CDH6: variants seen among roughly 807,000 people sequenced by gnomAD.
The protein encoded by CDH6 is cadherin-6.
In CDH6, 31 loss-of-function variants were observed where a neutral mutation model predicts 78.0. That is an observed-to-expected ratio of 0.40 (90% confidence interval 0.30 to 0.54). The LOEUF is 0.54. Ranked by LOEUF, CDH6 falls within the 20% of genes least tolerant of loss-of-function variation. The pLI is 0.56. For synonymous variants in CDH6, 376 were observed against 368.8 expected, an observed-to-expected ratio of 1.02 and a Z score of -0.23; for missense variants, 724 against 975.9, an observed-to-expected ratio of 0.74 and a Z score of 3.44.
At chr5:31,224,994 C>G (rs1741109215) in intron 1 of CDH6, among the ~76,000 whole-genome samples, 1 of 152,192 alleles carries the variant, frequency 6.6e-6, no homozygotes, top group South Asian at 2.1e-4. Flanking sequence ...TTGGCAATAC[C>G]TGGAGGCATC....
intron 2 of CDH6, among the ~76,000 whole-genome samples, chr5:31,280,048 C>T (rs1204053890): frequency 6.6e-6 from 1 of 152,164 alleles, no homozygotes; most frequent in African/African-American, 2.4e-5. Flanking sequence ...TCCTTTTCAA[C>T]AGTAGACATC....
In CDH6 at chr5:31,294,357, A is replaced by G; in HGVS notation, c.523+101A>G. 2.2e-6 allele frequency: 2 copies of G among 892,712 alleles called. No homozygotes were observed. Among genetic ancestry groups the G allele is most frequent in the South Asian group, 1.6e-5 (1 of 62,268 alleles). The allele number at this position is 892,712 out of a possible 1,614,324, so 55.3% of individuals were successfully genotyped here. A position where few individuals can be genotyped will look rare whatever the true frequency, so the allele number is the denominator to read the frequency against. On this transcript the variant is annotated intron_variant, in intron 3 of 11. Transcript: ENST00000265071. The surrounding 1 kb of genome is among the most constrained non-coding windows in gnomAD (Gnocchi z 4.1). ...AAAGTACTGAACTGCATGAATTTAG[A>G]TGCTAACTTCTTCAATCCATGTATG...
At chr5:31,319,101 GTTC>G (rs1738406419) in intron 11 of CDH6, 1 of 181,936 alleles carries the variant, frequency 5.5e-6, no homozygotes, top group African/African-American at 2.4e-5. Flanking sequence ...AGATATGAAT[GTTC>G]TTTTTGATCA....
intron 1 of CDH6, among the ~76,000 whole-genome samples, chr5:31,259,572 C>T (rs1742155325): frequency 6.6e-6 from 1 of 152,178 alleles, no homozygotes; most frequent in African/African-American, 2.4e-5. Flanking sequence ...TGCCAGAGAA[C>T]CTAACATTTA....
chr5:31,229,761 C>T (rs572712204), intron 1 of CDH6, among the ~76,000 whole-genome samples: 29 of 152,156 alleles, frequency 1.9e-4, no homozygotes, highest in Non-Finnish European at 3.2e-4. Context: ...TGTCACAGAA[C>T]ATAGGAAGAA....
chr5:31,215,473 A>G (rs1227891865), intron 1 of CDH6, among the ~76,000 whole-genome samples: 2 of 152,196 alleles, frequency 1.3e-5, no homozygotes, highest in African/African-American at 4.8e-5. Flanking sequence ...TAACCTAATA[A>G]AAAATATAAC....
chr5:31,316,064 C>A, intron 8 of CDH6, 144 bp from the exon 9 acceptor site: 1 of 770,008 alleles, frequency 1.3e-6, no homozygotes, highest in Non-Finnish European at 2.0e-6. Context: ...CTTTTTGTGA[C>A]CACACTGGTA....
Position 31,316,347 on chromosome 5 carries a change from G to A in CDH6, c.1512+18G>A, listed in dbSNP as rs188617650. The A allele has an allele frequency of 6.7e-5, 107 of 1,599,138 alleles. No individual in the cohort carries two copies. In the African/African-American group the frequency reaches 1.3e-3, roughly 19 times the overall value. ...CAGATCAGGTGAGTTTCATTAAAAA[G>A]TATATTCAAGTTGAACATCAGATTA... On this transcript the variant is annotated intron_variant, in intron 9 of 11. Transcript: ENST00000265071.
chr5:31,270,083 A>T (rs559643401), intron 2 of CDH6, among the ~76,000 whole-genome samples: 2 of 152,346 alleles, frequency 1.3e-5, no homozygotes, highest in Admixed American at 6.5e-5. Flanking sequence ...ATACATTTTT[A>T]AAAAAGATAA....
intron 2 of CDH6, among the ~76,000 whole-genome samples, chr5:31,270,005 TATATG>T (rs1742476198): frequency 6.6e-6 from 1 of 152,236 alleles, no homozygotes; most frequent in African/African-American, 2.4e-5. Flanking sequence ...TCTTTGAAGT[TATATG>T]ATATAAACAG....
intron 1 of CDH6, among the ~76,000 whole-genome samples, chr5:31,198,611 T>C (rs977195288): frequency 6.6e-6 from 1 of 152,006 alleles, no homozygotes; most frequent in African/African-American, 2.4e-5. Context: ...TAATAAGTTA[T>C]AGGAAGAGAA....
chr5:31,227,210 G>A (rs1007727673), intron 1 of CDH6, among the ~76,000 whole-genome samples: 7 of 152,132 alleles, frequency 4.6e-5, no homozygotes, highest in Admixed American at 2.0e-4. Context: ...GAGAGACAAG[G>A]AAAGGAACGT....
chr5:31,199,685 G>GTGTATATATATATATATATATATA (rs796740950), intron 1 of CDH6, among the ~76,000 whole-genome samples: 1 of 79,860 alleles, frequency 1.3e-5, no homozygotes, highest in Non-Finnish European at 2.4e-5. Context: ...GTGTGTGTGT[G>GTGTATATATATATATATATATATA]TATATATATA....
intron 1 of CDH6, among the ~76,000 whole-genome samples, chr5:31,198,883 T>C (rs961005328): frequency 6.6e-6 from 1 of 152,092 alleles, no homozygotes; most frequent in Non-Finnish European, 1.5e-5. Flanking sequence ...CTTTAAAAAA[T>C]CACCATCTAA....
At chr5:31,295,103 T>C (rs1461693649) in intron 3 of CDH6, among the ~76,000 whole-genome samples, 1 of 152,294 alleles carries the variant, frequency 6.6e-6, no homozygotes, top group African/African-American at 2.4e-5. Flanking sequence ...AGTTCACAGA[T>C]CCAAGACATA....
At chr5:31,315,907 A>G (rs568752853) in intron 8 of CDH6, among the ~76,000 whole-genome samples, 1 of 152,192 alleles carries the variant, frequency 6.6e-6, no homozygotes, top group Non-Finnish European at 1.5e-5. Flanking sequence ...TGCTTCCTTG[A>G]AAATCTACCT....
chr5:31,229,588 A>T (rs1451652756), intron 1 of CDH6, among the ~76,000 whole-genome samples: 1 of 152,162 alleles, frequency 6.6e-6, no homozygotes, highest in East Asian at 1.9e-4. Flanking sequence ...TAAGTGGTTA[A>T]TTTTTTTATG....
intron 1 of CDH6, among the ~76,000 whole-genome samples, chr5:31,217,060 A>G (rs1170996031): frequency 6.6e-6 from 1 of 152,126 alleles, no homozygotes; most frequent in Non-Finnish European, 1.5e-5. Flanking sequence ...AATTCAGCCC[A>G]GGGCGTGTAT....
At chr5:31,260,250 T>C (rs1447958100) in intron 1 of CDH6, among the ~76,000 whole-genome samples, 2 of 152,194 alleles carry the variant, frequency 1.3e-5, no homozygotes, top group African/African-American at 4.8e-5. Flanking sequence ...TGTCATCCCA[T>C]TTTACAGGTA....
Sources: allele counts gnomAD v4.1 joint callset (sites outside exome capture counted in the v4.1 genomes callset), GRCh38; gene constraint gnomAD v4.1.1; non-coding constraint Gnocchi (gnomAD v3.1); transcripts MANE v1.5; gene names NCBI Gene and HGNC (gene_info 2026-07-23, HGNC 2026-07-21).